Variants in SFI1 observed in about 807,000 individuals in gnomAD.
SFI1 encodes protein SFI1 homolog.
A neutral mutation model predicts 207.5 loss-of-function variants in SFI1; 195 were observed. The observed-to-expected ratio is 0.94, with a 90% CI of 0.84 to 1.06. The LOEUF is 1.06. SFI1 is among the 50% of genes least tolerant of loss of function. The probability of loss-of-function intolerance (pLI) is 0.00; values close to 1 mark genes in which losing one functional copy is unlikely to be tolerated. For synonymous variants in SFI1, 630 were observed against 598.9 expected (o/e 1.05, Z -0.76); for missense variants, 1,634 against 1,588.0 (o/e 1.03, Z -0.49).
At chr22:31,549,468 C>T (rs1219654873) in intron 5 of SFI1, among the ~76,000 whole-genome samples, 2 of 150,552 alleles carry the variant, frequency 1.3e-5, no homozygotes, top group Non-Finnish European at 3.0e-5. Flanking sequence ...CTGCCTCAGC[C>T]TCCCTCCTGC....
At position 31,618,182 on chromosome 22, in the gene SFI1, G is replaced by T; in HGVS notation, c.3580G>T (p.Glu1194Ter). The T allele has an allele frequency of 6.3e-7, 1 of 1,595,960 alleles. No homozygotes were observed. The highest frequency in any genetic ancestry group is 8.5e-7 in the Non-Finnish European group (1 of 1,173,226). The stretch of plus-strand genomic sequence containing the variant: ...GCTGAACAGAGAGGAGCCGGGGCCT[G>T]AGGACCAGGAAGTAGAGCAGCAGGT... ...LELNREEPGP[E>*]DQEVEQQVQK... Residue 1194 changes from glutamate to a stop codon, truncating the protein, a stop_gained, in exon 32 of 33, where the codon GAG (glutamate) becomes TAG (stop). Transcript: ENST00000400288. LOFTEE classifies it high-confidence loss of function.
chr22:31,615,457 C>T lies in SFI1; in HGVS notation c.3300+178C>T, dbSNP rs2071253693. On this transcript the variant is annotated intron_variant, in intron 29 of 32. Transcript: ENST00000400288. ...CAGGTCCAAGGGCCACAGCAGTGAACAGCCAGCCAAGGGCCCTGCCATCCT... is the reference window on the plus strand; with the variant it reads ...CAGGTCCAAGGGCCACAGCAGTGAATAGCCAGCCAAGGGCCCTGCCATCCT... The T allele has an allele frequency of 1.2e-5, 6 of 495,166 alleles. No homozygotes were observed. In the East Asian group the frequency reaches 2.0e-4, roughly 16 times the overall value. The allele number at this position is 495,166 out of a possible 1,614,324, so 30.7% of individuals were successfully genotyped here. A position where few individuals can be genotyped will look rare whatever the true frequency, so the allele number is the denominator to read the frequency against.
At chr22:31,531,729 A>G (rs1190104375) in intron 4 of SFI1, among the ~76,000 whole-genome samples, 1 of 152,170 alleles carries the variant, frequency 6.6e-6, no homozygotes, top group Non-Finnish European at 1.5e-5. Context: ...CCCCGTCTCT[A>G]CTAAAAATAC....
chr22:31,582,449 A>C (rs1321941757), intron 12 of SFI1, among the ~76,000 whole-genome samples: 1 of 150,214 alleles, frequency 6.7e-6, no homozygotes, highest in Non-Finnish European at 1.5e-5. Context: ...ATGGGGTTTC[A>C]CCGTGTTGGC....
chr22:31,582,236 A>ATGTTT (rs1487021004), intron 12 of SFI1, among the ~76,000 whole-genome samples: 1 of 10,140 alleles, frequency 9.9e-5, no homozygotes, highest in Non-Finnish European at 1.7e-4. Flanking sequence ...ATATATATAT[A>ATGTTT]TTTTTTTTTT....
chr22:31,513,093 G>T (rs2146794532), intron 2 of SFI1, among the ~76,000 whole-genome samples: 1 of 152,270 alleles, frequency 6.6e-6, no homozygotes, highest in Middle Eastern at 3.4e-3. Flanking sequence ...CTGATGTTAT[G>T]ATTTTTTAAT....
chr22:31,550,534 G>T, intron 6 of SFI1, 186 bp downstream of exon 6: 1 of 539,846 alleles, frequency 1.9e-6, no homozygotes, highest in Non-Finnish European at 3.3e-6. Context: ...TGATCCCTAT[G>T]GTTTTCTCCA....
Position 31,613,838 on chromosome 22 carries a change from G to C in SFI1, c.2979G>C (p.Glu993Asp). 5 of 1,605,976 alleles carry C rather than the reference G, an allele frequency of 3.1e-6. No homozygotes were observed. Among genetic ancestry groups the C allele is most frequent in the Non-Finnish European group, 4.3e-6 (5 of 1,176,378 alleles). Residue 993 changes from glutamate to aspartate, a missense_variant, in exon 27 of 33, where the codon GAG becomes GAC. Glu to Asp is a conservative substitution (Grantham distance 45). Coordinates refer to ENST00000400288, the MANE Select transcript of SFI1 (RefSeq NM_001007467.3). ...LGALGRLAAE[E>D]PHALELNTAH... ...CTCTGGGCCGCCTGGCTGCTGAGGA[G>C]CCCCACGCCCTGGAGCTGTGAGTAG...
chr22:31,589,674 C>A, intron 15 of SFI1, 97 bp downstream of exon 15: 1 of 1,359,034 alleles, frequency 7.4e-7, no homozygotes, highest in Non-Finnish European at 9.9e-7. Context: ...GCTTCCCAGA[C>A]CCCAGGCCCT....
chr22:31,584,823 G>A (rs4820985), intron 13 of SFI1, among the ~76,000 whole-genome samples: 3 of 152,058 alleles, frequency 2.0e-5, no homozygotes, highest in Admixed American at 2.0e-4. Context: ...GAGCTACTGT[G>A]CTTTCGGTGG....
intron 13 of SFI1, among the ~76,000 whole-genome samples, chr22:31,584,583 A>G (rs1195444159): frequency 1.3e-5 from 2 of 152,190 alleles, no homozygotes; most frequent in Admixed American, 6.6e-5. Context: ...CCCACAGTAT[A>G]ATCAACTTAA....
At position 31,550,297 on chromosome 22, in the gene SFI1, G is replaced by A. The variant is rs773508855; in HGVS notation, c.493G>A (p.Val165Met). 80 of 1,614,012 alleles carry A rather than the reference G, an allele frequency of 5.0e-5. No individual in the cohort carries two copies. Among genetic ancestry groups the A allele is most frequent in the Non-Finnish European group, 6.4e-5 (75 of 1,180,004 alleles). Residue 165 changes from valine to methionine, a missense_variant, in exon 6 of 33, where the codon GTG (valine) becomes ATG (methionine). Val to Met is a conservative substitution (Grantham distance 21). Coordinates refer to ENST00000400288, the MANE Select transcript of SFI1 (RefSeq NM_001007467.3). The stretch of plus-strand genomic sequence containing the variant: ...GATGTTCCAGACGTGGAAGACCTAT[G>A]TGCGTCAGCAGCAGGAGATGAGGAA... Reference protein sequence around the residue: ...NLMFQTWKTYVRQQQEMRNKY... With the variant: ...NLMFQTWKTYMRQQQEMRNKY...
chr22:31,576,665 G>A (rs1466890621), intron 10 of SFI1, among the ~76,000 whole-genome samples: 1 of 148,738 alleles, frequency 6.7e-6, no homozygotes, highest in African/African-American at 2.5e-5. Flanking sequence ...TTGAGATGGA[G>A]TTTCGCTCTT....
intron 15 of SFI1, among the ~76,000 whole-genome samples, chr22:31,598,716 C>CTGTTTTTTTTTT (rs2067574031): frequency 3.7e-5 from 1 of 26,882 alleles, no homozygotes; most frequent in Non-Finnish European, 6.8e-5. Context: ...TGCGCCTGGC[C>CTGTTTTTTTTTT]TTTTTTTTTT....
intron 1 of SFI1, among the ~76,000 whole-genome samples, chr22:31,503,619 C>T (rs984087141): frequency 3.1e-5 from 4 of 129,962 alleles, no homozygotes; most frequent in South Asian, 2.3e-4. Context: ...TGGAGTTTCG[C>T]TCTTGTTGCC....
At chr22:31,529,772 G>A (rs1156718215) in intron 3 of SFI1, among the ~76,000 whole-genome samples, 6 of 148,714 alleles carry the variant, frequency 4.0e-5, no homozygotes, top group African/African-American at 1.5e-4. Flanking sequence ...CTCTCTGGAG[G>A]AAGTGGAGTT....
At position 31,575,370 on chromosome 22, in the gene SFI1, C is replaced by G. The variant is rs374240520; in HGVS notation, c.1062C>G (p.Arg354=). The G allele has an allele frequency of 1.2e-6, 2 of 1,609,872 alleles. No homozygotes were observed. Among genetic ancestry groups the G allele is most frequent in the Non-Finnish European group, 1.7e-6 (2 of 1,178,426 alleles). The change falls in exon 10 of 33, where the codon CGC becomes CGG. Residue 354 remains arginine (R), a synonymous_variant. Transcript: ENST00000400288. ...TGGCCAGGAAGATGGCCCTGCGGCG[C>G]GCCTTTACTCACTGGAAACACTGTA... ...EKLARKMALR[R]AFTHWKHYML...
intron 6 of SFI1, among the ~76,000 whole-genome samples, chr22:31,556,465 G>A (rs750007963): frequency 1.6e-4 from 25 of 152,202 alleles, no homozygotes; most frequent in Non-Finnish European, 3.5e-4. Flanking sequence ...CAGGTGATCT[G>A]CCCATCTCGG....
rs1021937920 is a variant in SFI1, at chr22:31,542,634, T to A, written c.339-4227T>A. On this transcript the variant is annotated intron_variant, in intron 4 of 32. Coordinates refer to ENST00000400288, the MANE Select transcript of SFI1 (RefSeq NM_001007467.3). ...CAAGAGGGAAACTCTGTCTCAAAAA[T>A]ATATATATAAATACTATTATTTATT... 4.6e-5 allele frequency among the ~76,000 whole-genome samples: 7 copies of A among 151,544 alleles called. No individual in the cohort carries two copies. The East Asian group carries it at 5.9e-4, about 13-fold the overall frequency.
Sources: gnomAD v4.1 joint callset for allele counts (sites outside exome capture counted in the v4.1 genomes callset) on GRCh38, gnomAD v4.1.1 for gene constraint, MANE v1.5 for transcripts, NCBI Gene and HGNC (gene_info 2026-07-23, HGNC 2026-07-21) for gene names.